Variants in BTBD9 observed in about 807,000 individuals in gnomAD.
BTBD9 encodes the protein BTB/POZ domain-containing protein 9.
Under a neutral mutation model 64.3 loss-of-function variants are expected in BTBD9, and 49 were observed. The observed-to-expected ratio is 0.76, with a 90% CI of 0.61 to 0.97. BTBD9 has a LOEUF of 0.97. Ranked by LOEUF, BTBD9 falls within the 50% of genes least tolerant of loss-of-function variation. BTBD9 has a pLI of 0.00. For synonymous variants in BTBD9, 260 were observed against 274.7 expected (o/e 0.95, Z 0.53); for missense variants, 598 against 762.1 (o/e 0.78, Z 2.53).
chr6:38,270,378 A>T (rs990788698), intron 8 of BTBD9, among the ~76,000 whole-genome samples: 1 of 149,660 alleles, frequency 6.7e-6, no homozygotes, highest in Non-Finnish European at 1.5e-5. Context: ...ACTCCCATTC[A>T]GGAAGGTAGA....
chr6:38,598,873 C>T (rs1229864523), intron 1 of BTBD9, among the ~76,000 whole-genome samples: 2 of 152,024 alleles, frequency 1.3e-5, no homozygotes, highest in African/African-American at 4.8e-5. Flanking sequence ...GTCGAGATGG[C>T]GCCATTGCAC....
At chr6:38,361,240 C>A (rs1368778504) in intron 6 of BTBD9, among the ~76,000 whole-genome samples, 2 of 152,134 alleles carry the variant, frequency 1.3e-5, no homozygotes, top group Admixed American at 6.5e-5. Flanking sequence ...CATAGTCAGA[C>A]ATAAATAAAA....
At chr6:38,431,918 G>A (rs1337757199) in intron 6 of BTBD9, among the ~76,000 whole-genome samples, 1 of 151,926 alleles carries the variant, frequency 6.6e-6, no homozygotes, top group Non-Finnish European at 1.5e-5. Context: ...TGGGTTGAAT[G>A]TGTCCCTCAG....
intron 7 of BTBD9, among the ~76,000 whole-genome samples, chr6:38,295,138 A>T (rs562697031): frequency 3.3e-5 from 5 of 151,998 alleles, no homozygotes; most frequent in Non-Finnish European, 7.4e-5. Context: ...TTTATGACTT[A>T]TGCTTTTCCC....
chr6:38,407,001 A>T (rs796732867), intron 6 of BTBD9, among the ~76,000 whole-genome samples: 18 of 152,346 alleles, frequency 1.2e-4, no homozygotes, highest in African/African-American at 4.3e-4. Flanking sequence ...CAGAGTTCAA[A>T]TTCCTTGTTC....
intron 6 of BTBD9, among the ~76,000 whole-genome samples, chr6:38,500,912 G>T (rs1205637185): frequency 1.3e-5 from 2 of 152,120 alleles, no homozygotes; most frequent in African/African-American, 4.8e-5. Context: ...ATCTGCAAAG[G>T]TTCTGCAGAT....
chr6:38,349,905 T>C (rs1764433791), intron 6 of BTBD9, among the ~76,000 whole-genome samples: 1 of 152,186 alleles, frequency 6.6e-6, no homozygotes, highest in African/African-American at 2.4e-5. Flanking sequence ...CTCGCTTTAA[T>C]CCTCAAGCCT....
At chr6:38,452,393 T>G (rs1233561109) in intron 6 of BTBD9, among the ~76,000 whole-genome samples, 1 of 152,078 alleles carries the variant, frequency 6.6e-6, no homozygotes, top group Non-Finnish European at 1.5e-5. Context: ...TTGCAATCAT[T>G]TTGAAACTTT....
At chr6:38,211,289 C>T (rs1402691152) in intron 9 of BTBD9, among the ~76,000 whole-genome samples, 1 of 152,078 alleles carries the variant, frequency 6.6e-6, no homozygotes, top group Non-Finnish European at 1.5e-5. Flanking sequence ...ATTAGCCGGG[C>T]ATGGTGGCGG....
chr6:38,333,303 A>G (rs1334247214), intron 7 of BTBD9, among the ~76,000 whole-genome samples: 2 of 152,238 alleles, frequency 1.3e-5, no homozygotes, highest in Non-Finnish European at 2.9e-5. Flanking sequence ...TTCCTTATTC[A>G]TCAAAAAGTC....
At chr6:38,472,201 C>A (rs974491939) in intron 6 of BTBD9, among the ~76,000 whole-genome samples, 1 of 152,142 alleles carries the variant, frequency 6.6e-6, no homozygotes, top group Non-Finnish European at 1.5e-5. Context: ...CAAAGCACTG[C>A]ACACTAATAA....
intron 10 of BTBD9, chr6:38,179,512 C>T: frequency 2.2e-6 from 1 of 456,782 alleles, no homozygotes; most frequent in Non-Finnish European, 4.4e-6. Context: ...ATGCCAAGGA[C>T]TCTCACAGAC....
chr6:38,426,782 A>C (rs1377373806), intron 6 of BTBD9, among the ~76,000 whole-genome samples: 1 of 151,806 alleles, frequency 6.6e-6, no homozygotes, highest in Non-Finnish European at 1.5e-5. Flanking sequence ...TGCATGGCCC[A>C]AGATTCCATT....
chr6:38,592,852 A>G lies in BTBD9; in HGVS notation c.550-12T>C. The G allele has an allele frequency of 1.9e-6, 3 of 1,612,232 alleles. No individual in the cohort carries two copies. The highest frequency in any genetic ancestry group is 2.5e-6 in the Non-Finnish European group (3 of 1,178,704). On this transcript the variant is annotated splice_polypyrimidine_tract_variant and intron_variant, in intron 3 of 10. Coordinates refer to ENST00000481247, the MANE Select transcript of BTBD9 (RefSeq NM_001099272.2). ...TTTAAAAGTGCTGTCTGAAAAGGATAAAAAGGTAAAATTCCAGTTATATGA... is the reference window on the plus strand; with the variant it reads ...TTTAAAAGTGCTGTCTGAAAAGGATGAAAAGGTAAAATTCCAGTTATATGA...
intron 1 of BTBD9, among the ~76,000 whole-genome samples, chr6:38,617,341 T>C (rs1413472173): frequency 6.6e-6 from 1 of 152,196 alleles, no homozygotes; most frequent in African/African-American, 2.4e-5. Flanking sequence ...CTATCTATCC[T>C]GACCCTTGCC....
At chr6:38,180,808 A>G (rs9470811) in intron 10 of BTBD9, among the ~76,000 whole-genome samples, 95,900 of 152,126 alleles carry the variant, frequency 0.63, 31,639 homozygotes, top group Non-Finnish European at 0.74. Flanking sequence ...ACCGTCTTCA[A>G]TGGCCTCTGG....
At chr6:38,265,239 G>C (rs965725748) in intron 8 of BTBD9, among the ~76,000 whole-genome samples, 1 of 152,030 alleles carries the variant, frequency 6.6e-6, no homozygotes, top group Admixed American at 6.6e-5. Flanking sequence ...ATACATTTTG[G>C]CTCCACTGTG....
At chr6:38,251,538 T>A (rs997147165) in intron 9 of BTBD9, among the ~76,000 whole-genome samples, 3 of 152,154 alleles carry the variant, frequency 2.0e-5, no homozygotes, top group Non-Finnish European at 4.4e-5. Flanking sequence ...GTGCTGGGAT[T>A]ACAGGTGTGA....
intron 7 of BTBD9, among the ~76,000 whole-genome samples, chr6:38,308,833 G>A (rs926295974): frequency 4.0e-5 from 6 of 151,636 alleles, no homozygotes; most frequent in African/African-American, 1.5e-4. Flanking sequence ...ATATTGCCCA[G>A]GCTGGTCTCA....
Sources: gnomAD v4.1 joint callset for allele counts (sites outside exome capture counted in the v4.1 genomes callset) on GRCh38, gnomAD v4.1.1 for gene constraint, MANE v1.5 for transcripts, NCBI Gene and HGNC (gene_info 2026-07-23, HGNC 2026-07-21) for gene names.